GPR158: variants seen among roughly 807,000 people sequenced by gnomAD.
GPR158 encodes the protein metabotropic glycine receptor.
GPR158 carries 30 observed loss-of-function variants against 78.2 expected under a neutral mutation model. The observed-to-expected ratio is 0.38, with a 90% CI of 0.29 to 0.52. The LOEUF is 0.52. GPR158 is among the 20% of genes least tolerant of loss of function. GPR158 has a pLI of 0.83. For missense variants in GPR158, 1,463 were observed against 1,523.5 expected (o/e 0.96, Z 0.66); for synonymous variants, 581 against 591.1 (o/e 0.98, Z 0.25).
intron 2 of GPR158, among the ~76,000 whole-genome samples, chr10:25,371,299 G>T (rs924063181): frequency 6.6e-6 from 1 of 151,916 alleles, no homozygotes; most frequent in East Asian, 1.9e-4. Context: ...TTTTGCAGTG[G>T]CTGGTACCAG....
intron 2 of GPR158, among the ~76,000 whole-genome samples, chr10:25,291,726 CAT>C (rs1344292277): frequency 1.3e-5 from 2 of 151,864 alleles, no homozygotes; most frequent in Admixed American, 1.3e-4. Context: ...CATCTTTAAT[CAT>C]AAATGAACTC....
intron 5 of GPR158, among the ~76,000 whole-genome samples, chr10:25,477,142 A>T (rs1459023125): frequency 1.3e-5 from 2 of 152,064 alleles, no homozygotes; most frequent in African/African-American, 4.8e-5. Flanking sequence ...ATGTAGAAAA[A>T]ACCCATCCAG....
chr10:25,294,708 A>G (rs1177204095), intron 2 of GPR158, among the ~76,000 whole-genome samples: 1 of 152,236 alleles, frequency 6.6e-6, no homozygotes, highest in African/African-American at 2.4e-5. Flanking sequence ...TTAAAGAGAT[A>G]CTGCTCTAGC....
At chr10:25,204,783 T>C (rs1852994551) in intron 1 of GPR158, among the ~76,000 whole-genome samples, 1 of 151,886 alleles carries the variant, frequency 6.6e-6, no homozygotes, top group South Asian at 2.1e-4. Flanking sequence ...TTTCCTAGTT[T>C]GTGTGCACAG....
chr10:25,290,375 C>A lies in GPR158; in HGVS notation c.1008+69218C>A, dbSNP rs149884528. 1.8e-4 allele frequency among the ~76,000 whole-genome samples: 27 copies of A among 152,160 alleles called. 1 individual carries two copies. The East Asian group carries it at 4.6e-3, about 26-fold the overall frequency. On this transcript the variant is annotated intron_variant, in intron 2 of 10. Transcript: ENST00000376351. The stretch of plus-strand genomic sequence containing the variant: ...GGTTAGTATTTAAGAAGAAAAGTAT[C>A]CCGAAAATCTGTTAATGACATATGT...
chr10:25,561,023 C>T (rs1038653013), intron 6 of GPR158, among the ~76,000 whole-genome samples: 4 of 151,942 alleles, frequency 2.6e-5, no homozygotes, highest in Admixed American at 2.6e-4. Context: ...AGAGTAAGAG[C>T]AGATCAAGAT....
intron 3 of GPR158, among the ~76,000 whole-genome samples, chr10:25,411,933 C>CAAAAAAAA (rs1164005677): frequency 1.7e-4 from 8 of 47,486 alleles, no homozygotes; most frequent in Non-Finnish European, 2.6e-4. Context: ...GACTCTATCA[C>CAAAAAAAA]AAAAAAAAAA....
intron 5 of GPR158, among the ~76,000 whole-genome samples, chr10:25,515,962 T>G (rs971922355): frequency 1.3e-5 from 2 of 151,420 alleles, no homozygotes; most frequent in African/African-American, 2.4e-5. Flanking sequence ...TCCACAATGG[T>G]TGAACTAGTT....
chr10:25,287,320 T>G (rs1854366184), intron 2 of GPR158, among the ~76,000 whole-genome samples: 1 of 152,160 alleles, frequency 6.6e-6, no homozygotes, highest in Non-Finnish European at 1.5e-5. Context: ...CCACCAGTAC[T>G]TGAAGGCATT....
intron 2 of GPR158, among the ~76,000 whole-genome samples, chr10:25,346,130 G>A (rs1019783394): frequency 6.6e-6 from 1 of 151,860 alleles, no homozygotes; most frequent in Non-Finnish European, 1.5e-5. Context: ...CATATATAAT[G>A]AGAATTTCCT....
intron 2 of GPR158, among the ~76,000 whole-genome samples, chr10:25,288,175 A>G (rs969258316): frequency 6.6e-6 from 1 of 152,234 alleles, no homozygotes; most frequent in Non-Finnish European, 1.5e-5. Context: ...AAAGAAACTC[A>G]GGCACTGTGA....
chr10:25,342,213 C>A (rs1202978534), intron 2 of GPR158, among the ~76,000 whole-genome samples: 1 of 151,226 alleles, frequency 6.6e-6, no homozygotes, highest in African/African-American at 2.4e-5. Flanking sequence ...TGTGCTATAT[C>A]TGGCTCTTTA....
At chr10:25,523,165 G>A (rs572355600) in intron 5 of GPR158, among the ~76,000 whole-genome samples, 1 of 152,294 alleles carries the variant, frequency 6.6e-6, no homozygotes, top group East Asian at 1.9e-4. Flanking sequence ...ATGCACAAGG[G>A]TCAGATGGGT....
chr10:25,494,932 A>G (rs1330311754), intron 5 of GPR158, among the ~76,000 whole-genome samples: 2 of 152,150 alleles, frequency 1.3e-5, no homozygotes, highest in Non-Finnish European at 1.5e-5. Flanking sequence ...ATGTTCACCA[A>G]CAGAGGAGCA....
chr10:25,370,475 G>A (rs1363790589), intron 2 of GPR158, among the ~76,000 whole-genome samples: 1 of 103,432 alleles, frequency 9.7e-6, no homozygotes, highest in Non-Finnish European at 2.1e-5. Flanking sequence ...TAGTTGAGTG[G>A]TTTTGAGTGA....
In GPR158 at chr10:25,175,620, G is replaced by C. The variant is rs773861324; in HGVS notation, c.200G>C (p.Gly67Ala). 1.9e-6 allele frequency: 3 copies of C among 1,611,046 alleles called. No individual in the cohort carries two copies. The highest frequency in any genetic ancestry group is 3.3e-5 in the Admixed American group (2 of 60,022). ...SSAPWSRSTDGTILAQKLAEE... is the reference protein window; with the variant it reads ...SSAPWSRSTDATILAQKLAEE... Reference sequence around the variant, plus strand: ...GCTCCCTGGAGCCGCTCCACCGATGGCACCATCTTGGCGCAGAAACTCGCC... The same window carrying C: ...GCTCCCTGGAGCCGCTCCACCGATGCCACCATCTTGGCGCAGAAACTCGCC... Residue 67 changes from glycine to alanine, a missense_variant, in exon 1 of 11, where the codon GGC (glycine) becomes GCC (alanine). Gly to Ala is a moderately conservative substitution (Grantham distance 60). Coordinates refer to ENST00000376351, the MANE Select transcript of GPR158 (RefSeq NM_020752.3). This position sits in a 1 kb window ranked among gnomAD's most constrained non-coding sequence, Gnocchi z 6.4.
chr10:25,563,500 G>A (rs1836885547), intron 6 of GPR158, among the ~76,000 whole-genome samples: 1 of 151,888 alleles, frequency 6.6e-6, no homozygotes, highest in Non-Finnish European at 1.5e-5. Flanking sequence ...CATCCATTTT[G>A]TTTCTCAGTT....
At chr10:25,475,069 G>T (rs1266346081) in intron 5 of GPR158, among the ~76,000 whole-genome samples, 1 of 152,118 alleles carries the variant, frequency 6.6e-6, no homozygotes, top group Non-Finnish European at 1.5e-5. Context: ...CTCTAGAAAA[G>T]TATGACATTT....
At chr10:25,432,370 T>C (rs1460626360) in intron 4 of GPR158, among the ~76,000 whole-genome samples, 1 of 152,226 alleles carries the variant, frequency 6.6e-6, no homozygotes, top group Non-Finnish European at 1.5e-5. Context: ...ATAGAATGTT[T>C]GGGTGAAGTT....
Sources: gnomAD v4.1 joint callset for allele counts (sites outside exome capture counted in the v4.1 genomes callset) on GRCh38, gnomAD v4.1.1 for gene constraint, Gnocchi (gnomAD v3.1) non-coding constraint, MANE v1.5 for transcripts, NCBI Gene and HGNC (gene_info 2026-07-23, HGNC 2026-07-21) for gene names.